SLC44A1: variants seen among roughly 807,000 people sequenced by gnomAD.
The protein encoded by SLC44A1 is solute carrier family 44 member 1.
Under a neutral mutation model 79.3 loss-of-function variants are expected in SLC44A1, and 26 were observed. The ratio of observed to expected loss-of-function variants is 0.33; its 90% CI spans 0.24 to 0.46. SLC44A1 has a LOEUF of 0.46. SLC44A1 is among the 20% of genes least tolerant of loss of function. The pLI is 1.00. For missense variants in SLC44A1, 688 were observed against 798.1 expected (o/e 0.86, Z 1.66); for synonymous variants, 263 against 286.2 (o/e 0.92, Z 0.82).
At chr9:105,376,158 A>T (rs1828275514) in intron 13 of SLC44A1, among the ~76,000 whole-genome samples, 1 of 152,076 alleles carries the variant, frequency 6.6e-6, no homozygotes. Context: ...TGGCATGGAG[A>T]AGTATATATA....
intron 1 of SLC44A1, among the ~76,000 whole-genome samples, chr9:105,260,036 C>T (rs1479352655): frequency 6.6e-6 from 1 of 152,100 alleles, no homozygotes; most frequent in East Asian, 1.9e-4. Context: ...CTCTACATGC[C>T]ATCACTTTGA....
At chr9:105,323,722 A>G (rs1588779634) in intron 3 of SLC44A1, among the ~76,000 whole-genome samples, 1 of 152,292 alleles carries the variant, frequency 6.6e-6, no homozygotes, top group South Asian at 2.1e-4. Flanking sequence ...ACTCTCACAT[A>G]TTCTGTCTCA....
intron 5 of SLC44A1, among the ~76,000 whole-genome samples, chr9:105,351,362 C>G (rs1477061166): frequency 6.6e-6 from 1 of 151,928 alleles, no homozygotes; most frequent in Non-Finnish European, 1.5e-5. Context: ...GGTGGAACCT[C>G]GTCTCTACCA....
At chr9:105,284,663 A>G (rs537034733) in intron 1 of SLC44A1, among the ~76,000 whole-genome samples, 1 of 152,176 alleles carries the variant, frequency 6.6e-6, no homozygotes, top group African/African-American at 2.4e-5. Context: ...CATCTCGTAT[A>G]TCTGATGCGG....
intron 8 of SLC44A1, 56 bp downstream of exon 8, chr9:105,361,386 A>G (rs562079068): frequency 1.1e-4 from 157 of 1,494,684 alleles, no homozygotes; most frequent in Middle Eastern, 1.8e-4. Context: ...GCAGGAGATC[A>G]TTAATGGAGC....
chr9:105,334,601 A>C (rs578172912), intron 3 of SLC44A1, among the ~76,000 whole-genome samples: 1 of 152,142 alleles, frequency 6.6e-6, no homozygotes, highest in Non-Finnish European at 1.5e-5. Flanking sequence ...CTGGAGATTC[A>C]TTTTAGGTGG....
intron 1 of SLC44A1, among the ~76,000 whole-genome samples, chr9:105,292,013 A>G (rs770976108): frequency 6.6e-6 from 1 of 152,212 alleles, no homozygotes; most frequent in Non-Finnish European, 1.5e-5. Context: ...TGGCAGCCCA[A>G]ATGGTATTGG....
At chr9:105,318,280 A>G (rs1330873373) in intron 3 of SLC44A1, among the ~76,000 whole-genome samples, 1 of 152,168 alleles carries the variant, frequency 6.6e-6, no homozygotes, top group African/African-American at 2.4e-5. Flanking sequence ...TCCCGAGTTC[A>G]ATAGATTCTC....
chr9:105,340,149 C>G (rs1056639882), intron 4 of SLC44A1, among the ~76,000 whole-genome samples: 1 of 152,186 alleles, frequency 6.6e-6, no homozygotes, highest in East Asian at 1.9e-4. Context: ...TAGTGCTGTA[C>G]TGTACACTTA....
At chr9:105,353,181 T>C (rs1033273206) in intron 5 of SLC44A1, among the ~76,000 whole-genome samples, 1 of 152,190 alleles carries the variant, frequency 6.6e-6, no homozygotes. Context: ...TGTTGTTTTT[T>C]TTTAACTGAC....
chr9:105,394,486 G>A lies in SLC44A1; in HGVS notation c.*5430G>A, dbSNP rs1488059312. 4.1e-6 allele frequency: 4 copies of A among 973,774 alleles called. No individual in the cohort carries two copies. The highest frequency in any genetic ancestry group is 3.7e-5 in the African/African-American group (2 of 54,364). 60.3% of individuals were successfully genotyped at this position (973,774 alleles called of 1,614,324 possible). A position where few individuals can be genotyped will look rare whatever the true frequency, so the allele number is the denominator to read the frequency against. ...GTCCTGGCGGTTATTTGGGGGCAAG[G>A]TACCAGATTATTTGCAGTGAGCCAA... is the stretch of plus-strand genomic sequence containing the variant. On this transcript the variant is annotated 3_prime_UTR_variant, in exon 16 of 16. Transcript: ENST00000374720.
chr9:105,272,177 A>G (rs73510254), intron 1 of SLC44A1, among the ~76,000 whole-genome samples: 28 of 152,344 alleles, frequency 1.8e-4, no homozygotes, highest in African/African-American at 6.3e-4. Context: ...GACTCTTTCT[A>G]CTGAATTAAT....
intron 3 of SLC44A1, among the ~76,000 whole-genome samples, 194 bp from the exon 4 acceptor site, chr9:105,335,369 T>G (rs1169075758): frequency 3.9e-5 from 6 of 152,150 alleles, no homozygotes; most frequent in African/African-American, 1.4e-4. Context: ...ATCATGAAAA[T>G]TATAAGTCCT....
At chr9:105,343,937 GC>G (rs1827174948) in intron 4 of SLC44A1, among the ~76,000 whole-genome samples, 2 of 152,136 alleles carry the variant, frequency 1.3e-5, no homozygotes, top group African/African-American at 4.8e-5. Flanking sequence ...TTCTTACCTG[GC>G]TAATTTCTGT....
In SLC44A1 at chr9:105,389,969, G is replaced by A. The variant is rs907378683; in HGVS notation, c.*913G>A. ...TGGAACATAAAGCATTGAAAATTCC[G>A]GTGCTTGGGCTTCGGCTTCAGAGTA... On this transcript the variant is annotated 3_prime_UTR_variant, in exon 16 of 16. Coordinates refer to ENST00000374720, the MANE Select transcript of SLC44A1 (RefSeq NM_080546.5). 1.9e-5 allele frequency: 28 copies of A among 1,469,820 alleles called. No homozygotes were observed. In the East Asian group the frequency reaches 3.0e-4, roughly 16 times the overall value. The allele number at this position is 1,469,820 out of a possible 1,614,324, so 91.0% of individuals were successfully genotyped here.
At chr9:105,287,727 C>A (rs552546628) in intron 1 of SLC44A1, among the ~76,000 whole-genome samples, 1 of 152,272 alleles carries the variant, frequency 6.6e-6, no homozygotes, top group East Asian at 1.9e-4. Context: ...AGAATTCAAG[C>A]CCAGGTTTGT....
chr9:105,297,988 C>G (rs1029193131), intron 1 of SLC44A1, among the ~76,000 whole-genome samples: 3 of 151,972 alleles, frequency 2.0e-5, no homozygotes, highest in African/African-American at 7.3e-5. Context: ...CTTACTGTTT[C>G]CAGGAGAGGG....
chr9:105,346,916 A>C (rs1275199291), intron 4 of SLC44A1, among the ~76,000 whole-genome samples: 2 of 152,128 alleles, frequency 1.3e-5, no homozygotes, highest in Non-Finnish European at 2.9e-5. Flanking sequence ...GATTATCATT[A>C]TATAAAATAT....
intron 1 of SLC44A1, among the ~76,000 whole-genome samples, chr9:105,250,902 G>A (rs1273233799): frequency 6.6e-6 from 1 of 152,024 alleles, no homozygotes; most frequent in African/African-American, 2.4e-5. Context: ...AGTGCTTCTT[G>A]CAGAGCAGGG....
Sources: gnomAD v4.1 joint callset for allele counts (sites outside exome capture counted in the v4.1 genomes callset) on GRCh38, gnomAD v4.1.1 for gene constraint, MANE v1.5 for transcripts, NCBI Gene and HGNC (gene_info 2026-07-23, HGNC 2026-07-21) for gene names.